KLRF1: variants seen among roughly 807,000 people sequenced by gnomAD.
KLRF1 encodes the protein killer cell lectin-like receptor subfamily F member 1.
KLRF1 carries 27 observed loss-of-function variants against 30.7 expected under a neutral mutation model. That is an observed-to-expected ratio of 0.88 (90% confidence interval 0.65 to 1.21). KLRF1 has a LOEUF of 1.21. Among genes scored for constraint, KLRF1 ranks in the 50% most tolerant of loss-of-function variants. The probability of loss-of-function intolerance (pLI) is 0.00; values close to 1 mark genes in which losing one functional copy is unlikely to be tolerated. For synonymous variants in KLRF1, 92 were observed against 89.3 expected, an observed-to-expected ratio of 1.03 and a Z score of -0.17; for missense variants, 246 against 259.3, an observed-to-expected ratio of 0.95 and a Z score of 0.35.
chr12:9,802,993 G>A, the KLRF1 span, among the ~76,000 whole-genome samples: 182 of 152,066 alleles, frequency 1.2e-3, no homozygotes, highest in East Asian at 0.01. Context: ...AAAAGAGCCC[G>A]TAAAGCCAAG....
At chr12:9,820,207 C>T in the KLRF1 span, among the ~76,000 whole-genome samples, 1 of 152,202 alleles carries the variant, frequency 6.6e-6, no homozygotes, top group East Asian at 1.9e-4. Flanking sequence ...GTGGGAGAGG[C>T]AGGCTGCCAT....
At chr12:9,842,213 C>G (rs1480698465) in intron 4 of KLRF1, 108 bp from the exon 5 acceptor site, 1 of 1,126,676 alleles carries the variant, frequency 8.9e-7, no homozygotes, top group African/African-American at 1.6e-5. Flanking sequence ...GAATTGATTA[C>G]CATAAGAATC....
At chr12:9,801,061 T>C in the KLRF1 span, among the ~76,000 whole-genome samples, 1 of 151,962 alleles carries the variant, frequency 6.6e-6, no homozygotes, top group Non-Finnish European at 1.5e-5. Flanking sequence ...TGTGTTCTCA[T>C]TGTTTAACTC....
chr12:9,825,298 A>G (rs1433243834), upstream of KLRF1, among the ~76,000 whole-genome samples: 1 of 151,158 alleles, frequency 6.6e-6, no homozygotes, highest in Admixed American at 6.6e-5. Flanking sequence ...GACCATTGGA[A>G]CACAATGGTC....
At chr12:9,837,791 C>G (rs1397293082) in intron 3 of KLRF1, among the ~76,000 whole-genome samples, 1 of 152,114 alleles carries the variant, frequency 6.6e-6, no homozygotes. Flanking sequence ...TTCAAGAGTC[C>G]ATAGGTGCTC....
the KLRF1 span, among the ~76,000 whole-genome samples, chr12:9,804,202 A>G: frequency 6.6e-6 from 1 of 151,874 alleles, no homozygotes; most frequent in Non-Finnish European, 1.5e-5. Flanking sequence ...ATAATCATTC[A>G]TGGCCTTTTT....
At chr12:9,840,221 C>T (rs756855294) in intron 3 of KLRF1, among the ~76,000 whole-genome samples, 1 of 151,942 alleles carries the variant, frequency 6.6e-6, no homozygotes, top group Non-Finnish European at 1.5e-5. Context: ...ATAGTGACTA[C>T]TTAGTGTTTA....
chr12:9,824,374 T>C (rs1867257898), upstream of KLRF1, among the ~76,000 whole-genome samples: 1 of 152,174 alleles, frequency 6.6e-6, no homozygotes, highest in Non-Finnish European at 1.5e-5. Flanking sequence ...AAAAATCACA[T>C]GATTATTTCA....
At chr12:9,801,361 C>A in the KLRF1 span, among the ~76,000 whole-genome samples, 1 of 151,564 alleles carries the variant, frequency 6.6e-6, no homozygotes, top group East Asian at 1.9e-4. Context: ...GGGTATATAC[C>A]CAGTAATGGG....
intron 1 of KLRF1, among the ~76,000 whole-genome samples, chr12:9,831,352 C>A (rs1360502916): frequency 6.6e-6 from 1 of 152,022 alleles, no homozygotes; most frequent in South Asian, 2.1e-4. Context: ...AAATATCATT[C>A]TATAGGGTTC....
chr12:9,839,133 C>A (rs1867649696), intron 3 of KLRF1, among the ~76,000 whole-genome samples: 1 of 152,032 alleles, frequency 6.6e-6, no homozygotes, highest in African/African-American at 2.4e-5. Context: ...CCTCACAGTT[C>A]TAAAGACTGG....
At chr12:9,804,679 A>C in the KLRF1 span, among the ~76,000 whole-genome samples, 1 of 152,142 alleles carries the variant, frequency 6.6e-6, no homozygotes, top group African/African-American at 2.4e-5. Flanking sequence ...ATTTGTTCAA[A>C]TACTTCTCTG....
At chr12:9,826,543 T>C (rs1867286867), upstream of KLRF1, among the ~76,000 whole-genome samples, 1 of 152,108 alleles carries the variant, frequency 6.6e-6, no homozygotes, top group South Asian at 2.1e-4. Context: ...CAAAGGAATA[T>C]AAATCTATCA....
chr12:9,800,089 C>T, the KLRF1 span, among the ~76,000 whole-genome samples: 8 of 151,982 alleles, frequency 5.3e-5, no homozygotes, highest in Admixed American at 3.9e-4. Flanking sequence ...GTTGTCGACT[C>T]ATTTGGATAA....
At chr12:9,820,222 G>T in the KLRF1 span, among the ~76,000 whole-genome samples, 3 of 152,226 alleles carry the variant, frequency 2.0e-5, no homozygotes, top group Non-Finnish European at 4.4e-5. Context: ...TGCCATCTTT[G>T]CTGTTTCACA....
the KLRF1 span, among the ~76,000 whole-genome samples, chr12:9,815,621 T>A: frequency 6.6e-6 from 1 of 152,030 alleles, no homozygotes; most frequent in Non-Finnish European, 1.5e-5. Flanking sequence ...TAGATTATCA[T>A]TATATTGGAT....
the KLRF1 span, chr12:9,817,691 C>A: frequency 8.2e-6 from 2 of 244,730 alleles, no homozygotes. Context: ...TCAGTGGCTC[C>A]ACTATATTTT....
At chr12:9,839,350 C>G (rs1405415814) in intron 3 of KLRF1, among the ~76,000 whole-genome samples, 2 of 151,970 alleles carry the variant, frequency 1.3e-5, no homozygotes, top group African/African-American at 4.8e-5. Flanking sequence ...TATTGGGAGG[C>G]AGGATTTCAG....
intron 1 of KLRF1, among the ~76,000 whole-genome samples, chr12:9,830,957 TA>T (rs1465071042): frequency 6.6e-6 from 1 of 151,778 alleles, no homozygotes; most frequent in African/African-American, 2.4e-5. Context: ...AATTTTTTTT[TA>T]CTTTTATTTT....
Sources: allele counts gnomAD v4.1 joint callset (sites outside exome capture counted in the v4.1 genomes callset), GRCh38; gene constraint gnomAD v4.1.1; transcripts MANE v1.5; gene names NCBI Gene and HGNC (gene_info 2026-07-23, HGNC 2026-07-21).